The following PXDNL variants were observed in gnomAD, a reference collection of about 807,000 sequenced individuals.
The protein encoded by PXDNL is probable oxidoreductase PXDNL.
Under a neutral mutation model 150.8 loss-of-function variants are expected in PXDNL, and 145 were observed. The ratio of observed to expected loss-of-function variants is 0.96; its 90% CI spans 0.84 to 1.10. PXDNL has a LOEUF of 1.10. Ranked by LOEUF, PXDNL falls within the 50% of genes least tolerant of loss-of-function variation. The pLI, the probability that PXDNL is intolerant of heterozygous loss-of-function variation, is 0.00. For missense variants in PXDNL, 2,087 were observed against 1,873.9 expected (o/e 1.11, Z -2.10); for synonymous variants, 757 against 725.7 (o/e 1.04, Z -0.69).
At chr8:51,521,639 A>T (rs967815711) in intron 4 of PXDNL, among the ~76,000 whole-genome samples, 253 of 152,268 alleles carry the variant, frequency 1.7e-3, no homozygotes, top group African/African-American at 5.9e-3. Flanking sequence ...ATATCAAGCT[A>T]AAACTCTGAG....
At chr8:51,621,182 A>G (rs1365812621) in intron 2 of PXDNL, among the ~76,000 whole-genome samples, 1 of 151,668 alleles carries the variant, frequency 6.6e-6, no homozygotes, top group African/African-American at 2.4e-5. Context: ...CTCTGCTCTC[A>G]TGCATAAGGA....
intron 1 of PXDNL, among the ~76,000 whole-genome samples, chr8:51,734,520 A>G (rs1816995784): frequency 6.6e-6 from 1 of 152,234 alleles, no homozygotes; most frequent in Admixed American, 6.5e-5. Flanking sequence ...CATCAACATC[A>G]ATACATAATA....
intron 8 of PXDNL, among the ~76,000 whole-genome samples, chr8:51,461,785 C>A (rs1407203573): frequency 6.6e-6 from 1 of 152,182 alleles, no homozygotes; most frequent in African/African-American, 2.4e-5. Flanking sequence ...GGAGGAGGGT[C>A]TTCCAAGGCC....
intron 1 of PXDNL, among the ~76,000 whole-genome samples, chr8:51,710,542 A>C (rs941641041): frequency 6.6e-6 from 1 of 152,152 alleles, no homozygotes; most frequent in Non-Finnish European, 1.5e-5. Flanking sequence ...GATCTCCTGA[A>C]CTTATTTCTC....
Position 51,580,839 on chromosome 8 carries a change from A to C in PXDNL, c.308+11788T>G, listed in dbSNP as rs1249460178. ...GAAATAACTCTGGTTGGGGAAATCT[A>C]GAAAAGTTACATAAAGGATGTGAGC... On this transcript the variant is annotated intron_variant, in intron 3 of 22. Transcript: ENST00000356297. Among the ~76,000 whole-genome samples the C allele has an allele frequency of 2.6e-5, 4 of 152,312 alleles. No homozygotes were observed. The East Asian group carries it at 7.7e-4, about 29-fold the overall frequency.
chr8:51,498,090 A>T (rs1365250461), intron 5 of PXDNL, among the ~76,000 whole-genome samples: 3 of 152,134 alleles, frequency 2.0e-5, no homozygotes, highest in African/African-American at 7.2e-5. Context: ...ACCATGGAAT[A>T]CTATGCAGCC....
intron 19 of PXDNL, among the ~76,000 whole-genome samples, chr8:51,352,823 C>G (rs942302284): frequency 1.3e-5 from 2 of 152,110 alleles, no homozygotes; most frequent in African/African-American, 2.4e-5. Flanking sequence ...GAACTTGAGG[C>G]CATTATCCTA....
Position 51,702,866 on chromosome 8 carries a change from GA to G in PXDNL, c.165-48107del, listed in dbSNP as rs146801518. On this transcript the variant is annotated intron_variant, in intron 1 of 22. Transcript: ENST00000356297. ...AATATATTGAAACGCAGAAACAAAA[GA>G]AAACTTCCGGGGTCTGTTTTCTATT... Among the ~76,000 whole-genome samples the G allele has an allele frequency of 5.8e-3, 881 of 152,078 alleles. 13 individuals carry two copies. The highest frequency in any genetic ancestry group is 0.02 in the African/African-American group (839 of 41,510).
chr8:51,389,395 G>C (rs1807823709), intron 17 of PXDNL, among the ~76,000 whole-genome samples: 1 of 152,124 alleles, frequency 6.6e-6, no homozygotes, highest in African/African-American at 2.4e-5. Context: ...GGTCCCTGAT[G>C]TTTACTTGAG....
chr8:51,533,214 A>G (rs6473616), intron 4 of PXDNL, among the ~76,000 whole-genome samples: 73,479 of 151,926 alleles, frequency 0.48, 21,434 homozygotes, highest in African/African-American at 0.82. Context: ...ACAGTGGCGC[A>G]ATCTCAGCTC....
intron 2 of PXDNL, among the ~76,000 whole-genome samples, chr8:51,622,886 GCCCAGCTCAC>G (rs1814285250): frequency 6.6e-6 from 1 of 152,178 alleles, no homozygotes; most frequent in African/African-American, 2.4e-5. Context: ...CACTTGCTGG[GCCCAGCTCAC>G]CCCAACATGG....
At chr8:51,553,448 C>G (rs1287524454) in intron 4 of PXDNL, among the ~76,000 whole-genome samples, 1 of 152,194 alleles carries the variant, frequency 6.6e-6, no homozygotes, top group Non-Finnish European at 1.5e-5. Context: ...ATAGCCCACT[C>G]ATTCTGTGCA....
chr8:51,585,700 G>A (rs1490110646), intron 3 of PXDNL, among the ~76,000 whole-genome samples: 1 of 152,004 alleles, frequency 6.6e-6, no homozygotes, highest in African/African-American at 2.4e-5. Flanking sequence ...CCCATGATTC[G>A]GTCCTTGTCA....
intron 4 of PXDNL, among the ~76,000 whole-genome samples, chr8:51,531,556 T>C (rs1811908344): frequency 6.6e-6 from 1 of 152,102 alleles, no homozygotes; most frequent in Admixed American, 6.5e-5. Context: ...AGAAGGTAGG[T>C]GCATTCTATA....
intron 1 of PXDNL, among the ~76,000 whole-genome samples, chr8:51,749,245 G>A (rs2037017154): frequency 6.6e-6 from 1 of 152,164 alleles, no homozygotes; most frequent in African/African-American, 2.4e-5. Context: ...GAAGGTTTAA[G>A]ATTTAAATAG....
intron 4 of PXDNL, among the ~76,000 whole-genome samples, chr8:51,535,720 A>G (rs917625026): frequency 1.4e-5 from 2 of 138,158 alleles, no homozygotes; most frequent in South Asian, 2.3e-4. Context: ...TCAATAAAAA[A>G]ATAAATAAAT....
chr8:51,337,969 A>G (rs1805878878), intron 21 of PXDNL, among the ~76,000 whole-genome samples: 1 of 151,852 alleles, frequency 6.6e-6, no homozygotes, highest in South Asian at 2.1e-4. Flanking sequence ...ACCTGAGGTC[A>G]GGAGTTTGAA....
intron 5 of PXDNL, among the ~76,000 whole-genome samples, chr8:51,494,776 A>G (rs1431826761): frequency 4.6e-5 from 7 of 152,136 alleles, no homozygotes; most frequent in Non-Finnish European, 8.8e-5. Flanking sequence ...CCAGATTCAT[A>G]AAGCAAGTAC....
At chr8:51,743,908 AAAGGAAGG>A (rs61300692) in intron 1 of PXDNL, among the ~76,000 whole-genome samples, 2 of 66,938 alleles carry the variant, frequency 3.0e-5, no homozygotes, top group African/African-American at 4.8e-5. Flanking sequence ...GCTGAGAGAG[AAAGGAAGG>A]AAGGAAGGAA....
Sources: allele counts gnomAD v4.1 joint callset (sites outside exome capture counted in the v4.1 genomes callset), GRCh38; gene constraint gnomAD v4.1.1; transcripts MANE v1.5; gene names NCBI Gene and HGNC (gene_info 2026-07-23, HGNC 2026-07-21).